The following SGCD variants were observed in gnomAD, a reference collection of about 807,000 sequenced individuals.
The protein encoded by SGCD is sarcoglycan delta, also known as delta-sarcoglycan.
SGCD carries 18 observed loss-of-function variants against 36.6 expected under a neutral mutation model. The ratio of observed to expected loss-of-function variants is 0.49; its 90% CI spans 0.34 to 0.73. SGCD has a LOEUF of 0.73. SGCD is among the 30% of genes least tolerant of loss of function. The probability of loss-of-function intolerance (pLI) is 0.01; values close to 1 mark genes in which losing one functional copy is unlikely to be tolerated. For synonymous variants in SGCD, 133 were observed against 130.6 expected, an observed-to-expected ratio of 1.02 and a Z score of -0.12; for missense variants, 387 against 346.7, an observed-to-expected ratio of 1.12 and a Z score of -0.92.
intron 3 of SGCD, among the ~76,000 whole-genome samples, chr5:156,390,855 T>C (rs889757698): frequency 2.0e-5 from 3 of 152,194 alleles, no homozygotes; most frequent in African/African-American, 7.2e-5. Flanking sequence ...CCAAGTTTTA[T>C]TACAAAAGAG....
At chr5:156,223,550 G>C (rs1194765834) in intron 3 of SGCD, among the ~76,000 whole-genome samples, 1 of 152,018 alleles carries the variant, frequency 6.6e-6, no homozygotes, top group African/African-American at 2.4e-5. Flanking sequence ...GCAAGACTTC[G>C]GGTGTGTTGA....
At chr5:156,680,483 A>G (rs1481807315) in intron 7 of SGCD, among the ~76,000 whole-genome samples, 1 of 152,162 alleles carries the variant, frequency 6.6e-6, no homozygotes. Context: ...TGCTAATATC[A>G]TTACGTAAGA....
In SGCD at chr5:156,069,088, A is replaced by T. The variant is rs1410012837; in HGVS notation, c.-281-48790A>T. ...TTCTGTAGGTTGCCTGTTCACTCTG[A>T]TGGTAGTTTCTTTTGCTGTGCAGAA... is the stretch of plus-strand genomic sequence containing the variant. On this transcript the variant is annotated intron_variant, in intron 1 of 9. Transcript: ENST00000517913. Among the ~76,000 whole-genome samples the T allele has an allele frequency of 5.9e-5, 9 of 152,146 alleles. No individual in the cohort carries two copies. The South Asian group carries it at 1.7e-3, about 28-fold the overall frequency.
rs1442410633 is a variant in SGCD, at chr5:156,763,389, T to G, written c.*3999T>G. On this transcript the variant is annotated 3_prime_UTR_variant, in exon 9 of 9. Coordinates refer to ENST00000337851, the MANE Select transcript of SGCD (RefSeq NM_000337.6). ...ACTGTTCCTACAGCCACACCAGGCT[T>G]GAAGAGTTAGTGAGACCAACAAATA... 1 of 152,550 alleles carries G rather than the reference T, an allele frequency of 6.6e-6. No individual in the cohort carries two copies. Among genetic ancestry groups the G allele is most frequent in the Non-Finnish European group, 1.5e-5 (1 of 68,026 alleles). 9.4% of individuals were successfully genotyped at this position (152,550 alleles called of 1,614,324 possible).
intron 1 of SGCD, among the ~76,000 whole-genome samples, chr5:155,907,725 G>T (rs1349599077): frequency 6.6e-6 from 1 of 152,130 alleles, no homozygotes; most frequent in African/African-American, 2.4e-5. Flanking sequence ...AAGGAAAGTG[G>T]TTCCTTGAAA....
chr5:156,737,199 C>T (rs1027190075), intron 7 of SGCD, among the ~76,000 whole-genome samples: 3 of 152,092 alleles, frequency 2.0e-5, no homozygotes, highest in Non-Finnish European at 4.4e-5. Context: ...GTACTTTTTC[C>T]CAGAGCCCTA....
chr5:156,579,473 C>T (rs1760145756), intron 4 of SGCD, among the ~76,000 whole-genome samples: 1 of 152,068 alleles, frequency 6.6e-6, no homozygotes, highest in African/African-American at 2.4e-5. Context: ...TCATTGTTAA[C>T]CTTCTGTCTC....
chr5:156,117,072 G>A (rs1761922791), intron 1 of SGCD, among the ~76,000 whole-genome samples: 1 of 151,968 alleles, frequency 6.6e-6, no homozygotes, highest in African/African-American at 2.4e-5. Context: ...TCAGTCAGTG[G>A]AGGGTATCAT....
At chr5:156,100,065 G>C (rs1361149670) in intron 1 of SGCD, among the ~76,000 whole-genome samples, 1 of 151,898 alleles carries the variant, frequency 6.6e-6, no homozygotes, top group Non-Finnish European at 1.5e-5. Flanking sequence ...CCCCTATTGA[G>C]GCAGAACAGT....
intron 1 of SGCD, among the ~76,000 whole-genome samples, chr5:155,878,554 C>T (rs540023636): frequency 1.3e-5 from 2 of 152,058 alleles, no homozygotes; most frequent in South Asian, 4.1e-4. Flanking sequence ...GTTAATTTGC[C>T]TAGGATAATA....
At chr5:156,656,650 A>G (rs1351880275) in intron 7 of SGCD, among the ~76,000 whole-genome samples, 3 of 152,216 alleles carry the variant, frequency 2.0e-5, no homozygotes, top group African/African-American at 4.8e-5. Context: ...GCAATTTCAG[A>G]TATGGTTGCA....
At chr5:155,778,891 A>G in the SGCD span, among the ~76,000 whole-genome samples, 2 of 152,188 alleles carry the variant, frequency 1.3e-5, no homozygotes, top group African/African-American at 4.8e-5. Context: ...TCACTCAAAA[A>G]TGAATTACTT....
At chr5:155,998,700 C>T (rs1299803055) in intron 1 of SGCD, among the ~76,000 whole-genome samples, 1 of 152,082 alleles carries the variant, frequency 6.6e-6, no homozygotes, top group African/African-American at 2.4e-5. Flanking sequence ...ATGTATAAAC[C>T]AGTGTATATA....
In SGCD at chr5:156,334,217, G is replaced by A. The variant is rs144305128; in HGVS notation, c.3+4638G>A. On this transcript the variant is annotated intron_variant, in intron 2 of 8. Transcript: ENST00000337851. ...TGGTTCTGGTGGGAATCATCCATGG[G>A]GTTTTAGAAAGCACCGATCTTGTAC... is the stretch of plus-strand genomic sequence containing the variant. Among the ~76,000 whole-genome samples, 35 of 152,138 alleles carry A rather than the reference G, an allele frequency of 2.3e-4. No homozygotes were observed. In the East Asian group the frequency reaches 6.6e-3, roughly 29 times the overall value.
chr5:155,975,450 A>G (rs899003403), intron 1 of SGCD, among the ~76,000 whole-genome samples: 31 of 152,148 alleles, frequency 2.0e-4, no homozygotes, highest in East Asian at 5.8e-4. Context: ...TTTGCCAAAA[A>G]TATCAACAGT....
At chr5:156,553,519 A>G (rs1561774313) in intron 4 of SGCD, among the ~76,000 whole-genome samples, 2 of 151,954 alleles carry the variant, frequency 1.3e-5, no homozygotes, top group Non-Finnish European at 1.5e-5. Flanking sequence ...GTGGTTTTTC[A>G]TATATTTTCT....
chr5:155,728,824 C>G, the SGCD span, among the ~76,000 whole-genome samples: 1 of 152,206 alleles, frequency 6.6e-6, no homozygotes, highest in Non-Finnish European at 1.5e-5. Flanking sequence ...GCGGCGCGCC[C>G]TCTGCCAACT....
intron 1 of SGCD, among the ~76,000 whole-genome samples, chr5:155,996,933 A>G (rs942173190): frequency 6.6e-6 from 1 of 151,426 alleles, no homozygotes; most frequent in Non-Finnish European, 1.5e-5. Flanking sequence ...AGGCAGACAG[A>G]CAGACAGACA....
At chr5:156,594,465 A>G in intron 5 of SGCD, among the ~76,000 whole-genome samples, 1 of 152,220 alleles carries the variant, frequency 6.6e-6, no homozygotes. Flanking sequence ...AAATGCAGCC[A>G]GTGGGTTAAG....
Sources: allele counts gnomAD v4.1 joint callset (sites outside exome capture counted in the v4.1 genomes callset), GRCh38; gene constraint gnomAD v4.1.1; transcripts MANE v1.5; gene names NCBI Gene and HGNC (gene_info 2026-07-23, HGNC 2026-07-21).